The following KLHL6 variants were observed in gnomAD, a reference collection of about 807,000 sequenced individuals.
The protein encoded by KLHL6 is kelch like family member 6.
Under a neutral mutation model 58.6 loss-of-function variants are expected in KLHL6, and 41 were observed. The ratio of observed to expected loss-of-function variants is 0.70; its 90% CI spans 0.55 to 0.91. The LOEUF (loss-of-function observed/expected upper bound fraction) is 0.91. KLHL6 is among the 40% of genes least tolerant of loss of function. KLHL6 has a pLI of 0.00. For missense variants in KLHL6, 714 were observed against 805.6 expected (o/e 0.89, Z 1.38); for synonymous variants, 338 against 322.7 (o/e 1.05, Z -0.51).
intron 4 of KLHL6, among the ~76,000 whole-genome samples, chr3:183,496,070 G>T (rs1717705284): frequency 6.6e-6 from 1 of 151,938 alleles, no homozygotes; most frequent in Non-Finnish European, 1.5e-5. Context: ...GGTTAGGAGG[G>T]GTTTTCTAAG....
rs141787660 is a variant in KLHL6 at position 183,534,491 on chromosome 3, T to C, written c.294-6481A>G. ...CGACCACAGCTCATTTCAGTCTCCA[T>C]CTCCAGGGCTCAAGTGATCCTCCTG... On this transcript the variant is annotated intron_variant, in intron 1 of 6. Coordinates refer to ENST00000341319, the MANE Select transcript of KLHL6 (RefSeq NM_130446.4). Among the ~76,000 whole-genome samples, 946 of 151,936 alleles carry C rather than the reference T, an allele frequency of 6.2e-3. 8 individuals carry two copies. The highest frequency in any genetic ancestry group is 0.021 in the African/African-American group (873 of 41,418).
At chr3:183,495,162 C>G (rs1236145208) in intron 4 of KLHL6, among the ~76,000 whole-genome samples, 1 of 152,208 alleles carries the variant, frequency 6.6e-6, no homozygotes, top group African/African-American at 2.4e-5. Flanking sequence ...GGGTGTTTCT[C>G]TAGCATGGAA....
chr3:183,543,621 C>G (rs1712624477), intron 1 of KLHL6, among the ~76,000 whole-genome samples: 1 of 151,602 alleles, frequency 6.6e-6, no homozygotes, highest in Non-Finnish European at 1.5e-5. Context: ...CAGGAGTTAT[C>G]CACTGGGCCT....
In KLHL6 at chr3:183,519,895, CAAAAAAA is replaced by C. The variant is rs56101517; in HGVS notation, c.459+7943_459+7949del. The stretch of plus-strand genomic sequence containing the variant: ...TAGGTGACACACCAAAACCCTGTCT[CAAAAAAA>C]AAAAAAAAAAAAAAACAAGAAAACA... On this transcript the variant is annotated intron_variant, in intron 2 of 6. Coordinates refer to ENST00000341319, the MANE Select transcript of KLHL6 (RefSeq NM_130446.4). 7.2e-5 allele frequency among the ~76,000 whole-genome samples: 6 copies of C among 83,260 alleles called. No individual in the cohort carries two copies. In the South Asian group the frequency reaches 2.5e-3, roughly 35 times the overall value. The allele number at this position is 83,260 out of a possible 152,430, so 54.6% of individuals were successfully genotyped here.
At chr3:183,524,818 C>A (rs1711895503) in intron 2 of KLHL6, among the ~76,000 whole-genome samples, 1 of 152,184 alleles carries the variant, frequency 6.6e-6, no homozygotes, top group East Asian at 1.9e-4. Context: ...TCATTTCAGT[C>A]CCACAGAGGT....
chr3:183,552,217 T>G (rs1043931463), intron 1 of KLHL6: 2 of 152,198 alleles, frequency 1.3e-5, no homozygotes, highest in Non-Finnish European at 2.9e-5. Flanking sequence ...AAAAAACTCA[T>G]GTTTCAGGTT....
At chr3:183,551,342 G>A (rs1162132214) in intron 1 of KLHL6, among the ~76,000 whole-genome samples, 1 of 152,142 alleles carries the variant, frequency 6.6e-6, no homozygotes, top group African/African-American at 2.4e-5. Context: ...ATGATGCAAG[G>A]CAGGAGGATT....
rs192761932 is a variant in KLHL6 at position 183,514,550 on chromosome 3, C to A, written c.460-6042G>T. ...TTTTAAGGAAAGACTCAGGATAGCT[C>A]ACCCCATTTTCAACAGAGAAATCCC... is the stretch of plus-strand genomic sequence containing the variant. On this transcript the variant is annotated intron_variant, in intron 2 of 6. Coordinates refer to ENST00000341319, the MANE Select transcript of KLHL6 (RefSeq NM_130446.4). Among the ~76,000 whole-genome samples, 239 of 152,234 alleles carry A rather than the reference C, an allele frequency of 1.6e-3. 1 individual carries two copies. The highest frequency in any genetic ancestry group is 5.5e-3 in the African/African-American group (229 of 41,542).
Position 183,499,558 on chromosome 3 carries a change from G to C in KLHL6, c.1147+32C>G, listed in dbSNP as rs375812139. On this transcript the variant is annotated intron_variant, in intron 4 of 6. Transcript: ENST00000341319. This position sits in a 1 kb window ranked among gnomAD's most constrained non-coding sequence, Gnocchi z 4.6. ...CAGGAATATATGTAGTGCTACTGGA[G>C]CTTGCTTTGCCTTTACATGACTCCT... 1.6e-5 allele frequency: 23 copies of C among 1,467,368 alleles called. No homozygotes were observed. Among genetic ancestry groups the C allele is most frequent in the Non-Finnish European group, 2.0e-5 (21 of 1,071,628 alleles). 90.9% of individuals were successfully genotyped at this position (1,467,368 alleles called of 1,614,324 possible).
At chr3:183,506,876 A>AT (rs1718024490) in intron 3 of KLHL6, among the ~76,000 whole-genome samples, 1 of 151,514 alleles carries the variant, frequency 6.6e-6, no homozygotes, top group South Asian at 2.1e-4. Context: ...AAATAAATAA[A>AT]AGGAGAAGTC....
intron 1 of KLHL6, among the ~76,000 whole-genome samples, chr3:183,538,851 T>C (rs1215953270): frequency 6.6e-6 from 1 of 152,204 alleles, no homozygotes; most frequent in Non-Finnish European, 1.5e-5. Flanking sequence ...AGTTTTATCA[T>C]ATGGATCCTG....
chr3:183,507,248 G>A (rs1329752275), intron 3 of KLHL6, among the ~76,000 whole-genome samples: 2 of 152,000 alleles, frequency 1.3e-5, no homozygotes, highest in Non-Finnish European at 2.9e-5. Flanking sequence ...GGCCAGACTT[G>A]GGGGAGGAAG....
chr3:183,532,366 T>C (rs144790811), intron 1 of KLHL6, among the ~76,000 whole-genome samples: 2,627 of 152,254 alleles, frequency 0.017, 41 homozygotes, highest in Middle Eastern at 0.044. Flanking sequence ...TCTATAGAAG[T>C]GTGAGGAAAT....
chr3:183,502,912 G>T (rs1717907422), intron 3 of KLHL6, among the ~76,000 whole-genome samples: 1 of 152,198 alleles, frequency 6.6e-6, no homozygotes, highest in Non-Finnish European at 1.5e-5. Flanking sequence ...TGATGGGCTT[G>T]GCTAGGGTAA....
At chr3:183,529,324 AT>A (rs59900314) in intron 1 of KLHL6, among the ~76,000 whole-genome samples, 1,953 of 146,178 alleles carry the variant, frequency 0.013, 21 homozygotes, top group African/African-American at 0.035. Context: ...AGATATAGAG[AT>A]TTTTTTTTTT....
At chr3:183,494,979 A>G (rs967298743) in intron 4 of KLHL6, among the ~76,000 whole-genome samples, 15 of 152,240 alleles carry the variant, frequency 9.9e-5, no homozygotes, top group African/African-American at 3.1e-4. Context: ...AGAGACAAAG[A>G]CAAAGGAGAA....
intron 2 of KLHL6, among the ~76,000 whole-genome samples, chr3:183,516,371 C>T (rs6801457): frequency 0.016 from 2,456 of 152,292 alleles, 29 homozygotes; most frequent in Middle Eastern, 0.051. Flanking sequence ...TTTTCTGTCT[C>T]GGCCTGTCCC....
At chr3:183,553,113 T>C (rs1482481671) in intron 1 of KLHL6, among the ~76,000 whole-genome samples, 1 of 152,132 alleles carries the variant, frequency 6.6e-6, no homozygotes, top group East Asian at 1.9e-4. Context: ...GAAAGTCACG[T>C]TGAAAATCCC....
chr3:183,543,111 G>A (rs2108694293), intron 1 of KLHL6, among the ~76,000 whole-genome samples: 2 of 152,184 alleles, frequency 1.3e-5, no homozygotes, highest in East Asian at 3.9e-4. Flanking sequence ...TGGCCAACAT[G>A]GCGAAACCCC....
Sources: allele counts gnomAD v4.1 joint callset (sites outside exome capture counted in the v4.1 genomes callset), GRCh38; gene constraint gnomAD v4.1.1; non-coding constraint Gnocchi (gnomAD v3.1); transcripts MANE v1.5; gene names NCBI Gene and HGNC (gene_info 2026-07-23, HGNC 2026-07-21).